CNTNAP2: variants seen among roughly 807,000 people sequenced by gnomAD.
CNTNAP2 encodes the protein contactin associated protein 2.
In CNTNAP2, 98 loss-of-function variants were observed where a neutral mutation model predicts 155.2. The ratio of observed to expected loss-of-function variants is 0.63; its 90% CI spans 0.54 to 0.75. The LOEUF (loss-of-function observed/expected upper bound fraction) is 0.75. Among genes scored for constraint, CNTNAP2 ranks in the 30% least tolerant of loss-of-function variants. The probability of loss-of-function intolerance (pLI) is 0.00; values close to 1 mark genes in which losing one functional copy is unlikely to be tolerated. For missense variants in CNTNAP2, 1,727 were observed against 1,688.1 expected (o/e 1.02, Z -0.40); for synonymous variants, 651 against 631.2 (o/e 1.03, Z -0.47).
intron 1 of CNTNAP2, among the ~76,000 whole-genome samples, chr7:146,745,793 AG>A (rs1275233895): frequency 1.3e-5 from 2 of 150,984 alleles, no homozygotes; most frequent in African/African-American, 4.9e-5. Flanking sequence ...AGGTCTGTTA[AG>A]GGTAACATTT....
intron 3 of CNTNAP2, among the ~76,000 whole-genome samples, chr7:146,936,090 G>A (rs770450434): frequency 4.6e-5 from 7 of 152,082 alleles, no homozygotes; most frequent in Non-Finnish European, 8.8e-5. Flanking sequence ...TGCTAAGACC[G>A]GAAACCCAAA....
chr7:146,505,568 T>C (rs1332382687), intron 1 of CNTNAP2, among the ~76,000 whole-genome samples: 2 of 152,196 alleles, frequency 1.3e-5, no homozygotes, highest in African/African-American at 4.8e-5. Context: ...GCCATTCCCC[T>C]ATGAATGGTC....
chr7:147,716,375 G>T (rs1563063239), intron 13 of CNTNAP2, among the ~76,000 whole-genome samples: 1 of 152,040 alleles, frequency 6.6e-6, no homozygotes, highest in Non-Finnish European at 1.5e-5. Flanking sequence ...GAAATGCCAG[G>T]GGCTTTATAG....
chr7:146,752,280 A>C (rs967122192), intron 1 of CNTNAP2, among the ~76,000 whole-genome samples: 1 of 152,166 alleles, frequency 6.6e-6, no homozygotes, highest in African/African-American at 2.4e-5. Context: ...CAGCCTTGCC[A>C]GCATCTATTG....
intron 1 of CNTNAP2, among the ~76,000 whole-genome samples, chr7:146,762,962 C>A (rs112707389): frequency 0.17 from 26,567 of 151,840 alleles, 2,516 homozygotes; most frequent in South Asian, 0.3. Flanking sequence ...AATTCAGATG[C>A]GATTTGGGTG....
intron 1 of CNTNAP2, among the ~76,000 whole-genome samples, chr7:146,393,996 C>T (rs1795583838): frequency 6.6e-6 from 1 of 152,104 alleles, no homozygotes; most frequent in African/African-American, 2.4e-5. Context: ...GTTGGCCAGT[C>T]AGCAACTAGT....
At chr7:147,416,285 A>T (rs1797192427) in intron 10 of CNTNAP2, among the ~76,000 whole-genome samples, 1 of 152,236 alleles carries the variant, frequency 6.6e-6, no homozygotes, top group South Asian at 2.1e-4. Context: ...CTCATGCGTG[A>T]TCATGAGCAG....
At chr7:146,631,240 C>A (rs1799505876) in intron 1 of CNTNAP2, among the ~76,000 whole-genome samples, 1 of 152,070 alleles carries the variant, frequency 6.6e-6, no homozygotes, top group Non-Finnish European at 1.5e-5. Flanking sequence ...GGACTGTGTT[C>A]TTAAAATATG....
intron 1 of CNTNAP2, among the ~76,000 whole-genome samples, chr7:146,299,052 A>G (rs960322086): frequency 6.6e-6 from 1 of 152,150 alleles, no homozygotes; most frequent in African/African-American, 2.4e-5. Context: ...AGGTGGGATC[A>G]CTTGAAGTCA....
intron 1 of CNTNAP2, among the ~76,000 whole-genome samples, chr7:146,369,033 A>G (rs1024529942): frequency 1.0e-4 from 11 of 109,120 alleles, no homozygotes; most frequent in African/African-American, 4.6e-4. Context: ...CATTATGTAT[A>G]TATATATATA....
At chr7:146,343,869 G>C (rs1794772438) in intron 1 of CNTNAP2, among the ~76,000 whole-genome samples, 1 of 151,984 alleles carries the variant, frequency 6.6e-6, no homozygotes, top group Non-Finnish European at 1.5e-5. Context: ...ATGTCAGTGA[G>C]AAATCTAAAA....
At chr7:146,994,263 T>G (rs1361921436) in intron 3 of CNTNAP2, among the ~76,000 whole-genome samples, 1 of 152,120 alleles carries the variant, frequency 6.6e-6, no homozygotes, top group Non-Finnish European at 1.5e-5. Flanking sequence ...CAAGTAATCT[T>G]ACCATCAGAG....
At chr7:146,960,251 C>A (rs181602620) in intron 3 of CNTNAP2, among the ~76,000 whole-genome samples, 3 of 152,326 alleles carry the variant, frequency 2.0e-5, no homozygotes, top group Non-Finnish European at 4.4e-5. Context: ...AAATGCACAT[C>A]TTTCTCTTTG....
chr7:147,614,580 A>G (rs1801246512), intron 12 of CNTNAP2, among the ~76,000 whole-genome samples: 1 of 151,484 alleles, frequency 6.6e-6, no homozygotes, highest in Non-Finnish European at 1.5e-5. Context: ...TCAGCTCCCC[A>G]TCTTCTCTAC....
chr7:146,783,851 C>A (rs1332042112), intron 2 of CNTNAP2, among the ~76,000 whole-genome samples: 2 of 152,318 alleles, frequency 1.3e-5, no homozygotes, highest in East Asian at 3.9e-4. Flanking sequence ...CACAGATCGT[C>A]TTTATCACAG....
At chr7:146,397,265 AT>A (rs1431496478) in intron 1 of CNTNAP2, among the ~76,000 whole-genome samples, 1 of 152,136 alleles carries the variant, frequency 6.6e-6, no homozygotes, top group Non-Finnish European at 1.5e-5. Context: ...TTGTGAGTAG[AT>A]TGGTTTGCAG....
intron 19 of CNTNAP2, among the ~76,000 whole-genome samples, chr7:148,218,052 G>C (rs1345637159): frequency 1.3e-5 from 2 of 152,258 alleles, no homozygotes; most frequent in African/African-American, 4.8e-5. Flanking sequence ...TTGAGCCCAA[G>C]ATGTCAAGGC....
chr7:147,792,552 C>A (rs1584957563), intron 13 of CNTNAP2, among the ~76,000 whole-genome samples: 1 of 151,754 alleles, frequency 6.6e-6, no homozygotes, highest in Non-Finnish European at 1.5e-5. Flanking sequence ...CCTTTTATTG[C>A]TGAATAATAT....
At chr7:148,210,353 G>A (rs915488332) in intron 18 of CNTNAP2, among the ~76,000 whole-genome samples, 1 of 152,096 alleles carries the variant, frequency 6.6e-6, no homozygotes, top group Non-Finnish European at 1.5e-5. Flanking sequence ...CTAACCTGTT[G>A]ACCACCATGC....
Sources: gnomAD v4.1 joint callset for allele counts (sites outside exome capture counted in the v4.1 genomes callset) on GRCh38, gnomAD v4.1.1 for gene constraint, MANE v1.5 for transcripts, NCBI Gene and HGNC (gene_info 2026-07-23, HGNC 2026-07-21) for gene names.